The following PLCG2 variants were observed in gnomAD, a reference collection of about 807,000 sequenced individuals.
The protein encoded by PLCG2 is 1-phosphatidylinositol 4,5-bisphosphate phosphodiesterase gamma-2.
PLCG2 carries 69 observed loss-of-function variants against 175.6 expected under a neutral mutation model. The ratio of observed to expected loss-of-function variants is 0.39; its 90% CI spans 0.32 to 0.48. The LOEUF (loss-of-function observed/expected upper bound fraction) is 0.48, where lower values mean the gene tolerates loss of function less well. Among genes scored for constraint, PLCG2 ranks in the 20% least tolerant of loss-of-function variants. The pLI is 0.91. For synonymous variants in PLCG2, 827 were observed against 624.0 expected, an observed-to-expected ratio of 1.33 and a Z score of -4.85; for missense variants, 1,798 against 1,650.9, an observed-to-expected ratio of 1.09 and a Z score of -1.54.
At chr16:81,855,422 C>T (rs1295641774) in intron 3 of PLCG2, among the ~76,000 whole-genome samples, 3 of 152,076 alleles carry the variant, frequency 2.0e-5, no homozygotes, top group African/African-American at 4.8e-5. Context: ...AAAATAAATA[C>T]GATTAAAATA....
intron 2 of PLCG2, among the ~76,000 whole-genome samples, chr16:81,829,203 G>T (rs1375190968): frequency 6.6e-6 from 1 of 152,246 alleles, no homozygotes; most frequent in Middle Eastern, 3.4e-3. Flanking sequence ...CTGTCTTCCG[G>T]GTTCAAGCGA....
intron 2 of PLCG2, among the ~76,000 whole-genome samples, chr16:81,805,631 C>T (rs1192591100): frequency 6.6e-6 from 1 of 151,988 alleles, no homozygotes; most frequent in Non-Finnish European, 1.5e-5. Flanking sequence ...CCCCCTTCCC[C>T]CACCCCACTC....
At chr16:81,932,382 A>G (rs1910538121) in intron 25 of PLCG2, among the ~76,000 whole-genome samples, 1 of 152,196 alleles carries the variant, frequency 6.6e-6, no homozygotes, top group South Asian at 2.1e-4. Flanking sequence ...TCAGAGCGAC[A>G]TGGGAAAGTG....
intron 2 of PLCG2, among the ~76,000 whole-genome samples, chr16:81,764,813 G>A (rs1175180321): frequency 6.6e-6 from 1 of 152,148 alleles, no homozygotes; most frequent in African/African-American, 2.4e-5. Context: ...GATGAGGCTG[G>A]GTGTGGTGGT....
chr16:81,872,864 A>G (rs1455434505), intron 7 of PLCG2, among the ~76,000 whole-genome samples: 1 of 152,212 alleles, frequency 6.6e-6, no homozygotes, highest in Non-Finnish European at 1.5e-5. Context: ...AGTGATGAGC[A>G]TGAATGTTCC....
At chr16:81,932,653 G>T (rs986989967) in intron 25 of PLCG2, among the ~76,000 whole-genome samples, 4 of 152,184 alleles carry the variant, frequency 2.6e-5, no homozygotes, top group Non-Finnish European at 5.9e-5. Context: ...CCAGTCCCTG[G>T]TCACGAGAGG....
chr16:81,785,963 C>T lies in PLCG2; in HGVS notation c.-27C>T, dbSNP rs969672855. The stretch of plus-strand genomic sequence containing the variant: ...TTCAGCTTCCTGATTTCTCCCGATT[C>T]CTTCCTTCTCCCTGGAGCGGCCGAC... On this transcript the variant is annotated 5_prime_UTR_variant, in exon 2 of 33. Coordinates refer to ENST00000564138, the MANE Select transcript of PLCG2 (RefSeq NM_002661.5). The T allele has an allele frequency of 5.0e-6, 8 of 1,599,822 alleles. No individual in the cohort carries two copies. Among genetic ancestry groups the T allele is most frequent in the East Asian group, 4.5e-5 (2 of 44,670 alleles).
At chr16:81,825,376 T>C (rs75265227) in intron 2 of PLCG2, among the ~76,000 whole-genome samples, 5,999 of 150,284 alleles carry the variant, frequency 0.04, 172 homozygotes, top group African/African-American at 0.073. Context: ...GCAACCTCTG[T>C]CTCCTGGATT....
At chr16:81,912,005 G>C (rs960755120) in intron 18 of PLCG2, among the ~76,000 whole-genome samples, 2 of 151,950 alleles carry the variant, frequency 1.3e-5, no homozygotes, top group Non-Finnish European at 2.9e-5. Flanking sequence ...CACCGTGTTA[G>C]CCAGGATGAT....
At position 81,878,625 on chromosome 16, in the gene PLCG2, T is replaced by C. The variant is rs564841554; in HGVS notation, c.649-2285T>C. The stretch of plus-strand genomic sequence containing the variant: ...TCTCTTGAGTCTATTCCCGTCTTGT[T>C]TCCATCCCTGCCTCCTAGAGCACTT... On this transcript the variant is annotated intron_variant, in intron 7 of 32. Coordinates refer to ENST00000564138, the MANE Select transcript of PLCG2 (RefSeq NM_002661.5). 5.9e-5 allele frequency among the ~76,000 whole-genome samples: 9 copies of C among 152,310 alleles called. No homozygotes were observed. The South Asian group carries it at 1.9e-3, about 32-fold the overall frequency.
intron 18 of PLCG2, among the ~76,000 whole-genome samples, chr16:81,912,327 A>G (rs963556373): frequency 1.3e-5 from 2 of 152,182 alleles, no homozygotes; most frequent in Non-Finnish European, 2.9e-5. Context: ...CAGCCTCCCA[A>G]AGTGCTGGGA....
chr16:81,747,250 T>C (rs1909723571), intron 1 of PLCG2, among the ~76,000 whole-genome samples: 1 of 152,176 alleles, frequency 6.6e-6, no homozygotes, highest in Non-Finnish European at 1.5e-5. Flanking sequence ...AGAATATTAA[T>C]GGGACTGGGC....
At position 81,921,268 on chromosome 16, in the gene PLCG2, T is replaced by C. The variant is rs541206472; in HGVS notation, c.2306T>C (p.Met769Thr). ...GATCCCAGTGAAATCAATCCGTCCA[T>C]GGTACGGTGCCGAACCTCCAATTCA... ...YVDPSEINPS[M>T]PQRTVKALYD... Residue 769 changes from methionine to threonine, a missense_variant and splice_region_variant, in exon 21 of 33, where the codon ATG becomes ACG. Physicochemically the swap from Met to Thr is moderately conservative, Grantham distance 81. Transcript: ENST00000564138. 3.1e-6 allele frequency: 5 copies of C among 1,601,340 alleles called. No individual in the cohort carries two copies. The Admixed American group carries it at 5.0e-5, about 16-fold the overall frequency.
In PLCG2 at chr16:81,960,768, C is replaced by G. The variant is rs567940520; in HGVS notation, c.*2770C>G. On this transcript the variant is annotated 3_prime_UTR_variant, in exon 33 of 33. Transcript: ENST00000564138. ...ACCTAGTTAAAATCTAAACTTAAGT[C>G]GCCATGGCCAGTGGCCTTTAGATTA... 7.0e-4 allele frequency: 161 copies of G among 229,076 alleles called. No individual in the cohort carries two copies. Among genetic ancestry groups the G allele is most frequent in the African/African-American group, 3.4e-3 (153 of 45,210 alleles). 14.2% of individuals were successfully genotyped at this position (229,076 alleles called of 1,614,324 possible).
intron 21 of PLCG2, among the ~76,000 whole-genome samples, chr16:81,922,681 A>G (rs4341735): frequency 0.99 from 151,203 of 152,314 alleles, 75,062 homozygotes; most frequent in East Asian, 1. Flanking sequence ...AAATTTTACT[A>G]GGTTCCCTGT....
intron 11 of PLCG2, among the ~76,000 whole-genome samples, chr16:81,893,458 C>G (rs964785190): frequency 6.6e-6 from 1 of 152,254 alleles, no homozygotes; most frequent in Non-Finnish European, 1.5e-5. Flanking sequence ...GTCCTCTCCA[C>G]GCTTGCATTG....
chr16:81,820,750 A>C (rs1904759934), intron 2 of PLCG2, among the ~76,000 whole-genome samples: 1 of 152,186 alleles, frequency 6.6e-6, no homozygotes, highest in Non-Finnish European at 1.5e-5. Flanking sequence ...CCTCCTGAGT[A>C]GCTGGGATTA....
In PLCG2 at chr16:81,937,949, C is replaced by CT. The variant is rs758312262; in HGVS notation, c.3198+47dup. 2.5e-4 allele frequency: 394 copies of CT among 1,595,446 alleles called. 3 individuals carry two copies. In the South Asian group the frequency reaches 2.7e-3, roughly 11 times the overall value. ...CTGCCAGGGGAGCCAGCCGCCCTCC[C>CT]TGGGGGCTGGGCCGATGCTGTCTTG... is the stretch of plus-strand genomic sequence containing the variant. On this transcript the variant is annotated intron_variant, in intron 28 of 32. Coordinates refer to ENST00000564138, the MANE Select transcript of PLCG2 (RefSeq NM_002661.5).
chr16:81,783,454 T>G (rs943858081), intron 1 of PLCG2, among the ~76,000 whole-genome samples: 4 of 152,220 alleles, frequency 2.6e-5, no homozygotes, highest in African/African-American at 7.2e-5. Context: ...ATAAGTCCCT[T>G]AACCTCTTTT....
Sources: gnomAD v4.1 joint callset for allele counts (sites outside exome capture counted in the v4.1 genomes callset) on GRCh38, gnomAD v4.1.1 for gene constraint, MANE v1.5 for transcripts, NCBI Gene and HGNC (gene_info 2026-07-23, HGNC 2026-07-21) for gene names.